Variants in CYLC1 observed in about 807,000 individuals in gnomAD.
The protein encoded by CYLC1 is cylicin 1.
In CYLC1, 2 loss-of-function variants were observed where a neutral mutation model predicts 31.6. That is an observed-to-expected ratio of 0.06 (90% CI 0.03 to 0.20). The LOEUF (loss-of-function observed/expected upper bound fraction) is 0.20. CYLC1 is among the 10% of genes least tolerant of loss of function. CYLC1 has a pLI of 1.00. For synonymous variants in CYLC1, 185 were observed against 153.0 expected (o/e 1.21, Z -1.54); for missense variants, 595 against 424.1 (o/e 1.40, Z -3.54).
intron 4 of CYLC1, among the ~76,000 whole-genome samples, chrX:83,877,111 C>A (rs1176626683): frequency 9.0e-6 from 1 of 111,071 alleles, no homozygotes; most frequent in Non-Finnish European, 1.9e-5. Flanking sequence ...CACCACCATC[C>A]AGCCAGTTGA....
chrX:83,877,529 T>A (rs905963304), intron 4 of CYLC1, among the ~76,000 whole-genome samples: 2 of 110,680 alleles, frequency 1.8e-5, no homozygotes, highest in African/African-American at 6.5e-5. Flanking sequence ...CAAACTGGCA[T>A]TCTTTTTGTT....
intron 3 of CYLC1, among the ~76,000 whole-genome samples, chrX:83,872,568 C>T (rs1010133506): frequency 4.1e-4 from 45 of 110,139 alleles, no homozygotes; most frequent in African/African-American, 1.5e-3. Context: ...CAAAAGCCTA[C>T]TGTTGGTATT....
rs755413113 is a variant in CYLC1, at chrX:83,876,641, C to A, written c.1923+2010C>A. ...AGGTTACCAAATACCTTCTTGTGGC[C>A]ATATCTATAGGCTTTTCCTCCCTCC... On this transcript the variant is annotated intron_variant, in intron 4 of 4. Coordinates refer to ENST00000329312, the MANE Select transcript of CYLC1 (RefSeq NM_021118.3). Among the ~76,000 whole-genome samples, 12 of 110,318 alleles carry A rather than the reference C, an allele frequency of 1.1e-4. 1 individual carries two copies. The South Asian group carries it at 4.6e-3, about 43-fold the overall frequency.
In CYLC1 at chrX:83,886,646, A is replaced by C; in HGVS notation, c.*62A>C. 9.4e-5 allele frequency: 91 copies of C among 970,293 alleles called. No individual in the cohort carries two copies. The highest frequency in any genetic ancestry group is 1.2e-4 in the Non-Finnish European group (80 of 681,860). 80.0% of individuals were successfully genotyped at this position (970,293 alleles called of 1,213,427 possible). ...ACCACAGTAAGCACCACCTACTCTC[A>C]AATGAGCATTTCTACCTCTGTGGAA... is the stretch of plus-strand genomic sequence containing the variant. On this transcript the variant is annotated 3_prime_UTR_variant, in exon 5 of 5. Transcript: ENST00000329312.
At chrX:83,865,903 A>G (rs2031586437) in intron 1 of CYLC1, among the ~76,000 whole-genome samples, 1 of 111,525 alleles carries the variant, frequency 9.0e-6, no homozygotes, top group South Asian at 3.7e-4. Context: ...TTGTATCTTT[A>G]GGGTATATTA....
chrX:83,871,040 C>A (rs2031655748), intron 2 of CYLC1, among the ~76,000 whole-genome samples: 1 of 108,779 alleles, frequency 9.2e-6, no homozygotes, highest in Non-Finnish European at 1.9e-5. Flanking sequence ...ATTATGAAGA[C>A]TATAGCAGAA....
At chrX:83,866,798 C>T (rs1416906146) in intron 1 of CYLC1, among the ~76,000 whole-genome samples, 2 of 111,283 alleles carry the variant, frequency 1.8e-5, no homozygotes, top group African/African-American at 6.5e-5. Flanking sequence ...AGAACACTTC[C>T]CTGACAGTGA....
chrX:83,873,865 A>C lies in CYLC1; in HGVS notation c.1157A>C (p.Asn386Thr), dbSNP rs137958170. ...AAGGATGCAAGAAATGATTCAAGAA[A>C]TTTGAAGAAAGCTTCAAAGAATGAT... ...DAKDARNDSR[N>T]LKKASKNDDK... is the part of the protein sequence containing the mutation. The change falls in exon 4 of 5, where the codon AAT becomes ACT. Residue 386 changes from asparagine (N) to threonine (T), a missense_variant. Coordinates refer to ENST00000329312, the MANE Select transcript of CYLC1 (RefSeq NM_021118.3). 1.8e-4 allele frequency: 211 copies of C among 1,194,554 alleles called. No homozygotes were observed. In the East Asian group the frequency reaches 6.0e-3, roughly 34 times the overall value.
chrX:83,876,460 A>G (rs1253348923), intron 4 of CYLC1, among the ~76,000 whole-genome samples: 2 of 111,586 alleles, frequency 1.8e-5, no homozygotes, highest in African/African-American at 6.5e-5. Context: ...AAAAAAATTG[A>G]ATACAAGGAT....
chrX:83,873,903 G>C lies in CYLC1; in HGVS notation c.1195G>C (p.Asp399His), dbSNP rs12008888. The C allele has an allele frequency of 9.1e-3, 10,910 of 1,193,722 alleles. 595 individuals carry two copies. The African/African-American group carries it at 0.16, about 18-fold the overall frequency. The change falls in exon 4 of 5, where the codon GAT (aspartate) becomes CAT (histidine). Residue 399 changes from aspartate (D) to histidine (H), a missense_variant. Physicochemically the swap from Asp to His is moderately conservative, Grantham distance 81. Transcript: ENST00000329312. ...TTCAAAGAATGATGACAAGAAAAAG[G>C]ATGCAAAGAAAATTACATTCTCTAC... ...KASKNDDKKKDAKKITFSTDS... is the reference protein window; with the variant it reads ...KASKNDDKKKHAKKITFSTDS...
chrX:83,872,580 G>A (rs1018056159), intron 3 of CYLC1, among the ~76,000 whole-genome samples: 18 of 109,790 alleles, frequency 1.6e-4, no homozygotes, highest in African/African-American at 5.6e-4. Flanking sequence ...GTTGGTATTT[G>A]AGGACAAGTC....
At chrX:83,872,841 T>A (rs1201353027) in intron 3 of CYLC1, 45 bp from the exon 4 acceptor site, 1 of 923,171 alleles carries the variant, frequency 1.1e-6, no homozygotes, top group Non-Finnish European at 1.5e-6. Context: ...TATAGAAAGA[T>A]AAAACTCATT....
chrX:83,872,060 C>A (rs1445052730), intron 3 of CYLC1, among the ~76,000 whole-genome samples: 2 of 111,108 alleles, frequency 1.8e-5, no homozygotes, highest in East Asian at 5.6e-4. Context: ...TCTCCCAGAG[C>A]AAAGTTACAG....
chrX:83,866,618 C>T (rs2031596224), intron 1 of CYLC1, among the ~76,000 whole-genome samples: 1 of 110,557 alleles, frequency 9.0e-6, no homozygotes, highest in African/African-American at 3.3e-5. Context: ...TATGAGGATT[C>T]CAGCCATTAA....
intron 4 of CYLC1, among the ~76,000 whole-genome samples, chrX:83,885,352 A>C (rs2031966604): frequency 9.1e-6 from 1 of 110,418 alleles, no homozygotes; most frequent in Non-Finnish European, 1.9e-5. Context: ...CAAGAAATAG[A>C]AATAGATAAT....
intron 4 of CYLC1, among the ~76,000 whole-genome samples, chrX:83,879,181 T>C (rs1032595043): frequency 9.0e-6 from 1 of 110,605 alleles, no homozygotes; most frequent in African/African-American, 3.3e-5. Flanking sequence ...AAAATACAAA[T>C]ACAACAACAG....
intron 3 of CYLC1, among the ~76,000 whole-genome samples, chrX:83,872,477 G>C (rs1170001259): frequency 9.1e-6 from 1 of 110,208 alleles, no homozygotes; most frequent in Non-Finnish European, 1.9e-5. Flanking sequence ...CAAACTTCAA[G>C]TGGATCAGTT....
At chrX:83,875,673 G>A (rs2031747672) in intron 4 of CYLC1, among the ~76,000 whole-genome samples, 1 of 111,646 alleles carries the variant, frequency 9.0e-6, no homozygotes, top group Non-Finnish European at 1.9e-5. Flanking sequence ...CCCACGACAT[G>A]TGTGAATTGT....
At chrX:83,880,005 C>A (rs2031886773) in intron 4 of CYLC1, among the ~76,000 whole-genome samples, 1 of 111,361 alleles carries the variant, frequency 9.0e-6, no homozygotes. Context: ...GAATGTTTGT[C>A]GTGCCATACG....
Sources: gnomAD v4.1 joint callset for allele counts (sites outside exome capture counted in the v4.1 genomes callset) on GRCh38, gnomAD v4.1.1 for gene constraint, MANE v1.5 for transcripts, NCBI Gene and HGNC (gene_info 2026-07-23, HGNC 2026-07-21) for gene names.